The following ATRNL1 variants were observed in gnomAD, a reference collection of about 807,000 sequenced individuals.
The protein encoded by ATRNL1 is attractin-like protein 1.
ATRNL1 carries 95 observed loss-of-function variants against 182.7 expected under a neutral mutation model. The observed-to-expected ratio is 0.52, with a 90% CI of 0.44 to 0.62. ATRNL1 has a LOEUF of 0.62. Among genes scored for constraint, ATRNL1 ranks in the 20% least tolerant of loss-of-function variants. The probability of loss-of-function intolerance (pLI) is 0.00; values close to 1 mark genes in which losing one functional copy is unlikely to be tolerated. For synonymous variants in ATRNL1, 576 were observed against 568.3 expected (o/e 1.01, Z -0.19); for missense variants, 1,471 against 1,679.5 (o/e 0.88, Z 2.17).
At chr10:115,585,055 G>A (rs1429023359) in intron 26 of ATRNL1, among the ~76,000 whole-genome samples, 4 of 139,332 alleles carry the variant, frequency 2.9e-5, no homozygotes, top group Admixed American at 1.5e-4. Context: ...GTAGTTGAGC[G>A]GTTTTGAGTG....
intron 8 of ATRNL1, among the ~76,000 whole-genome samples, chr10:115,178,927 T>TC (rs1218647059): frequency 6.6e-6 from 1 of 152,074 alleles, no homozygotes; most frequent in Non-Finnish European, 1.5e-5. Flanking sequence ...TCTTTTTTTT[T>TC]CTAAAAAAAT....
chr10:115,683,775 C>A (rs1244011829), intron 26 of ATRNL1, among the ~76,000 whole-genome samples: 1 of 151,600 alleles, frequency 6.6e-6, no homozygotes, highest in Admixed American at 6.6e-5. Context: ...TAAACAAATT[C>A]CTAAGTTGAA....
chr10:115,926,930 T>C (rs2134580978), intron 28 of ATRNL1, among the ~76,000 whole-genome samples: 1 of 152,144 alleles, frequency 6.6e-6, no homozygotes, highest in South Asian at 2.1e-4. Flanking sequence ...GCCAGCATCA[T>C]CCTGATACCA....
At chr10:115,258,463 C>T (rs1205950431) in intron 10 of ATRNL1, among the ~76,000 whole-genome samples, 1 of 152,068 alleles carries the variant, frequency 6.6e-6, no homozygotes, top group Admixed American at 6.6e-5. Context: ...TCAGCTCCAT[C>T]AGGTCATTTA....
At chr10:115,426,068 G>A (rs529061677) in intron 20 of ATRNL1, among the ~76,000 whole-genome samples, 182 bp from the exon 21 acceptor site, 1 of 151,440 alleles carries the variant, frequency 6.6e-6, no homozygotes, top group African/African-American at 2.4e-5. Context: ...CATATATAAA[G>A]CTTTCTACAA....
chr10:115,643,240 A>C (rs1859375395), intron 26 of ATRNL1, among the ~76,000 whole-genome samples: 2 of 152,202 alleles, frequency 1.3e-5, no homozygotes, highest in South Asian at 4.1e-4. Context: ...TAAACCCTTC[A>C]ACAAATAGTG....
chr10:115,682,729 A>G (rs1384743213), intron 26 of ATRNL1, among the ~76,000 whole-genome samples: 1 of 152,040 alleles, frequency 6.6e-6, no homozygotes, highest in Non-Finnish European at 1.5e-5. Flanking sequence ...CCCTACCTTT[A>G]TGCTCTTGTG....
intron 24 of ATRNL1, among the ~76,000 whole-genome samples, chr10:115,490,865 T>C (rs1273576639): frequency 6.6e-6 from 1 of 152,194 alleles, no homozygotes; most frequent in African/African-American, 2.4e-5. Flanking sequence ...TCTTCGTGTA[T>C]TTATCTACCT....
intron 8 of ATRNL1, among the ~76,000 whole-genome samples, chr10:115,204,698 T>C (rs1554893357): frequency 1.3e-5 from 2 of 152,154 alleles, no homozygotes; most frequent in East Asian, 1.9e-4. Context: ...TAGTGTTTTG[T>C]TGAATATTTT....
chr10:115,116,917 G>C (rs1844512341), intron 1 of ATRNL1, among the ~76,000 whole-genome samples: 1 of 152,012 alleles, frequency 6.6e-6, no homozygotes, highest in Non-Finnish European at 1.5e-5. Context: ...GAATAGGACG[G>C]GACAGGGTGT....
chr10:115,396,017 C>T (rs543741608), intron 20 of ATRNL1, among the ~76,000 whole-genome samples: 11 of 151,378 alleles, frequency 7.3e-5, no homozygotes, highest in African/African-American at 2.7e-4. Flanking sequence ...AAATTTATAC[C>T]TAAAGTCTAT....
intron 26 of ATRNL1, among the ~76,000 whole-genome samples, chr10:115,610,676 T>G (rs559509368): frequency 5.3e-4 from 80 of 152,308 alleles, no homozygotes; most frequent in Non-Finnish European, 6.5e-4. Flanking sequence ...TATAAAGTTG[T>G]GCCCACAATA....
intron 26 of ATRNL1, among the ~76,000 whole-genome samples, chr10:115,609,827 C>T (rs1484664262): frequency 6.6e-6 from 1 of 152,032 alleles, no homozygotes; most frequent in African/African-American, 2.4e-5. Flanking sequence ...ATCTGGCGTC[C>T]ATAGATCCCT....
At chr10:115,589,300 T>C (rs1198320321) in intron 26 of ATRNL1, among the ~76,000 whole-genome samples, 1 of 152,142 alleles carries the variant, frequency 6.6e-6, no homozygotes, top group Non-Finnish European at 1.5e-5. Context: ...ATTTAAATGA[T>C]CTACTTAAAA....
intron 26 of ATRNL1, among the ~76,000 whole-genome samples, chr10:115,562,991 A>G (rs1853846958): frequency 6.6e-6 from 1 of 152,230 alleles, no homozygotes; most frequent in Non-Finnish European, 1.5e-5. Flanking sequence ...ATTCAAACTT[A>G]CTACAAAACT....
chr10:115,501,581 T>C (rs1047770421), intron 24 of ATRNL1, among the ~76,000 whole-genome samples: 41 of 152,224 alleles, frequency 2.7e-4, no homozygotes, highest in African/African-American at 9.6e-4. Context: ...TCCATAGTTA[T>C]ATGGAAATAA....
intron 26 of ATRNL1, among the ~76,000 whole-genome samples, chr10:115,567,403 G>T (rs1315171956): frequency 1.3e-5 from 2 of 151,990 alleles, no homozygotes; most frequent in Admixed American, 1.3e-4. Context: ...ATCTCATTTT[G>T]TCCTGAAGAT....
intron 25 of ATRNL1, among the ~76,000 whole-genome samples, chr10:115,540,300 C>T (rs73373358): frequency 0.028 from 4,202 of 152,052 alleles, 226 homozygotes; most frequent in African/African-American, 0.097. Context: ...AGTGGGTAGC[C>T]CTCCCGCTGC....
chr10:115,842,835 C>T (rs150942873), intron 27 of ATRNL1, among the ~76,000 whole-genome samples: 2,442 of 151,990 alleles, frequency 0.016, 80 homozygotes, highest in African/African-American at 0.056. Context: ...ACAGTCTGAC[C>T]GCTCTGAATT....
Sources: allele counts gnomAD v4.1 joint callset (sites outside exome capture counted in the v4.1 genomes callset), GRCh38; gene constraint gnomAD v4.1.1; transcripts MANE v1.5; gene names NCBI Gene and HGNC (gene_info 2026-07-23, HGNC 2026-07-21).